The following SCN11A variants were observed in gnomAD, a reference collection of about 807,000 sequenced individuals.
SCN11A encodes the protein sodium voltage-gated channel alpha subunit 11, also known as sodium channel protein type 11 subunit alpha.
In SCN11A, 122 loss-of-function variants were observed where a neutral mutation model predicts 162.2. The observed-to-expected ratio is 0.75, with a 90% CI of 0.65 to 0.87. The LOEUF (loss-of-function observed/expected upper bound fraction) is 0.87, where lower values mean the gene tolerates loss of function less well. SCN11A is among the 40% of genes least tolerant of loss of function. The pLI, the probability that SCN11A is intolerant of heterozygous loss-of-function variation, is 0.00. For missense variants in SCN11A, 2,015 were observed against 2,181.6 expected (o/e 0.92, Z 1.52); for synonymous variants, 758 against 751.5 (o/e 1.01, Z -0.14).
chr3:38,960,938 T>C (rs965417487), intron 2 of SCN11A, among the ~76,000 whole-genome samples: 1 of 152,210 alleles, frequency 6.6e-6, no homozygotes, highest in Non-Finnish European at 1.5e-5. Flanking sequence ...TGCAGCAGAC[T>C]GTCACCAACC....
chr3:38,850,241 G>A, intron 29 of SCN11A: 1 of 468,202 alleles, frequency 2.1e-6, no homozygotes, highest in Non-Finnish European at 3.8e-6. Context: ...GAATACATTA[G>A]CTGCATGATT....
rs55781629 is a variant in SCN11A, at chr3:38,849,257, C to CTTTTT, written c.4327+1219_4327+1223dup. 1.2e-3 allele frequency: 85 copies of CTTTTT among 69,860 alleles called. 10 individuals are homozygous for CTTTTT. Among genetic ancestry groups the CTTTTT allele is most frequent in the Middle Eastern group, 0.011 (1 of 90 alleles). 4.3% of individuals were successfully genotyped at this position (69,860 alleles called of 1,614,324 possible). A position where few individuals can be genotyped will look rare whatever the true frequency, so the allele number is the denominator to read the frequency against. On this transcript the variant is annotated intron_variant, in intron 29 of 29. Transcript: ENST00000302328. ...GACATCTGACCACCATTTTCTAGCC[C>CTTTTT]TTTTTTTTTTTTTTTTTTTTTTTTT... is the stretch of plus-strand genomic sequence containing the variant.
intron 29 of SCN11A, among the ~76,000 whole-genome samples, chr3:38,848,864 T>C (rs1208293584): frequency 6.6e-6 from 1 of 152,190 alleles, no homozygotes; most frequent in Non-Finnish European, 1.5e-5. Context: ...CAACTCACAC[T>C]CATTTTGCAT....
intron 1 of SCN11A, among the ~76,000 whole-genome samples, chr3:39,040,932 AT>A (rs1265335422): frequency 2.0e-5 from 3 of 152,098 alleles, no homozygotes; most frequent in Non-Finnish European, 4.4e-5. Context: ...CAAAAAAAAA[AT>A]TAGCCAGGCA....
intron 22 of SCN11A, 31 bp downstream of exon 22, chr3:38,883,202 C>T: frequency 1.3e-6 from 2 of 1,591,626 alleles, no homozygotes; most frequent in Non-Finnish European, 8.6e-7. Flanking sequence ...GCCCTGATGC[C>T]CAATGTCTCC....
chr3:39,040,693 G>T (rs2032028571), intron 1 of SCN11A, among the ~76,000 whole-genome samples: 1 of 152,054 alleles, frequency 6.6e-6, no homozygotes. Flanking sequence ...TTTTTTAAAA[G>T]AACCAAACAG....
In SCN11A at chr3:38,847,244, G is replaced by A. The variant is rs72869687; in HGVS notation, c.4826C>T (p.Thr1609Ile). The change falls in exon 30 of 30, where the codon ACA becomes ATA. Residue 1609 changes from threonine to isoleucine, a missense_variant. Thr to Ile is a moderately conservative substitution (Grantham distance 89). Transcript: ENST00000302328. ...AGGGTCCTCACTTTCTTCAGTGGCT[G>A]TATTGAAGTTCTCTAAAATCACAGC... ...YIAVILENFN[T>I]ATEESEDPLG... is the part of the protein sequence containing the mutation. 35,948 of 1,614,022 alleles carry A rather than the reference G, an allele frequency of 0.022. 1,082 individuals carry two copies. The highest frequency in any genetic ancestry group is 0.15 in the East Asian group (6,690 of 44,866).
intron 2 of SCN11A, among the ~76,000 whole-genome samples, chr3:38,987,000 G>C (rs2030270685): frequency 6.6e-6 from 1 of 152,076 alleles, no homozygotes; most frequent in Admixed American, 6.6e-5. Flanking sequence ...ACTACAGCAA[G>C]ACCAGTAGAG....
At chr3:38,961,036 A>G (rs888686731) in intron 2 of SCN11A, among the ~76,000 whole-genome samples, 12 of 152,128 alleles carry the variant, frequency 7.9e-5, no homozygotes, top group African/African-American at 2.7e-4. Flanking sequence ...GTCTCCCTGG[A>G]AAGTATCACA....
At chr3:38,921,850 C>T (rs1236373332) in intron 9 of SCN11A, among the ~76,000 whole-genome samples, 1 of 152,208 alleles carries the variant, frequency 6.6e-6, no homozygotes, top group African/African-American at 2.4e-5. Flanking sequence ...ATGTCCATGG[C>T]ACACTGTTAA....
intron 2 of SCN11A, among the ~76,000 whole-genome samples, chr3:39,030,428 A>G (rs2031718387): frequency 6.6e-6 from 1 of 152,140 alleles, no homozygotes; most frequent in African/African-American, 2.4e-5. Context: ...CTGACACCCT[A>G]AGGCATCTCA....
chr3:39,004,941 A>G (rs2030927653), intron 2 of SCN11A, among the ~76,000 whole-genome samples: 3 of 152,226 alleles, frequency 2.0e-5, no homozygotes, highest in African/African-American at 7.2e-5. Context: ...AGCATCAGCA[A>G]GCTACTGCCT....
intron 1 of SCN11A, among the ~76,000 whole-genome samples, chr3:39,037,519 A>G (rs544673495): frequency 1.3e-5 from 2 of 152,234 alleles, no homozygotes; most frequent in Non-Finnish European, 2.9e-5. Flanking sequence ...TGAATGTTTC[A>G]GGTAATAGAT....
intron 23 of SCN11A, among the ~76,000 whole-genome samples, chr3:38,874,921 T>C (rs2065185127): frequency 6.6e-6 from 1 of 152,206 alleles, no homozygotes. Flanking sequence ...CTTTTTGTGG[T>C]TTATGCTTTT....
At chr3:38,914,822 T>C (rs2125542424) in intron 11 of SCN11A, among the ~76,000 whole-genome samples, 1 of 152,342 alleles carries the variant, frequency 6.6e-6, no homozygotes, top group African/African-American at 2.4e-5. Context: ...ATCCCAAGGA[T>C]GAAGCCTACT....
chr3:38,860,925 C>A (rs2064953377), intron 28 of SCN11A, among the ~76,000 whole-genome samples: 1 of 152,100 alleles, frequency 6.6e-6, no homozygotes, highest in South Asian at 2.1e-4. Context: ...AAAGAGTATT[C>A]AAATTGGAAA....
intron 29 of SCN11A, 145 bp downstream of exon 29, chr3:38,850,336 A>G (rs923265002): frequency 8.6e-6 from 6 of 697,390 alleles, no homozygotes; most frequent in Non-Finnish European, 1.4e-5. Context: ...AGAGAATGGC[A>G]TTAGTACCCC....
At chr3:39,024,874 C>G (rs933742874) in intron 2 of SCN11A, among the ~76,000 whole-genome samples, 4 of 152,122 alleles carry the variant, frequency 2.6e-5, no homozygotes, top group Admixed American at 2.6e-4. Flanking sequence ...CTTTTTTGAA[C>G]CTAAGCATGA....
At chr3:39,012,861 A>G (rs1168135289) in intron 2 of SCN11A, among the ~76,000 whole-genome samples, 4 of 152,200 alleles carry the variant, frequency 2.6e-5, no homozygotes, top group African/African-American at 9.6e-5. Flanking sequence ...AATTCTACTT[A>G]AGATGTTTTC....
Sources: allele counts gnomAD v4.1 joint callset (sites outside exome capture counted in the v4.1 genomes callset), GRCh38; gene constraint gnomAD v4.1.1; transcripts MANE v1.5; gene names NCBI Gene and HGNC (gene_info 2026-07-23, HGNC 2026-07-21).